Variants in EIPR1 observed in about 807,000 individuals in gnomAD.
The protein encoded by EIPR1 is EARP and GARP complex-interacting protein 1.
Under a neutral mutation model 48.1 loss-of-function variants are expected in EIPR1, and 25 were observed. The ratio of observed to expected loss-of-function variants is 0.52; its 90% CI spans 0.38 to 0.73. The LOEUF (loss-of-function observed/expected upper bound fraction) is 0.73. Ranked by LOEUF, EIPR1 falls within the 30% of genes least tolerant of loss-of-function variation. EIPR1 has a pLI of 0.00. For missense variants in EIPR1, 415 were observed against 506.2 expected (o/e 0.82, Z 1.73); for synonymous variants, 204 against 201.9 (o/e 1.01, Z -0.09).
intron 4 of EIPR1, among the ~76,000 whole-genome samples, chr2:3,236,093 G>A (rs545161898): frequency 3.3e-5 from 5 of 152,164 alleles, no homozygotes; most frequent in Admixed American, 1.3e-4. Flanking sequence ...CCACTCTCCC[G>A]CCACCTAGAA....
intron 3 of EIPR1, among the ~76,000 whole-genome samples, chr2:3,290,046 T>C (rs1397887223): frequency 1.3e-5 from 2 of 152,228 alleles, no homozygotes; most frequent in African/African-American, 4.8e-5. Context: ...GCCACTTGTT[T>C]CTCCTTTATC....
At chr2:3,302,001 G>C (rs1668775854) in intron 3 of EIPR1, among the ~76,000 whole-genome samples, 6 of 152,196 alleles carry the variant, frequency 3.9e-5, no homozygotes, top group Admixed American at 3.9e-4. Context: ...CGGAGAGACT[G>C]CCAGATGCGA....
At chr2:3,255,210 G>A (rs571314192) in intron 4 of EIPR1, among the ~76,000 whole-genome samples, 16 of 149,462 alleles carry the variant, frequency 1.1e-4, no homozygotes, top group Non-Finnish European at 1.2e-4. Flanking sequence ...TTTTTTAGAC[G>A]GAGTCTCTCT....
chr2:3,217,922 C>T (rs1665692658), intron 4 of EIPR1, among the ~76,000 whole-genome samples: 1 of 152,208 alleles, frequency 6.6e-6, no homozygotes, highest in Admixed American at 6.5e-5. Context: ...TTTCACTCCC[C>T]AACCCCTCAT....
At position 3,200,216 on chromosome 2, in the gene EIPR1, C is replaced by T. The variant is rs1664981286; in HGVS notation, c.517-3199G>A. 2.0e-5 allele frequency among the ~76,000 whole-genome samples: 3 copies of T among 152,142 alleles called. No individual in the cohort carries two copies. In the South Asian group the frequency reaches 6.2e-4, roughly 31 times the overall value. On this transcript the variant is annotated intron_variant, in intron 5 of 8. Coordinates refer to ENST00000382125, the MANE Select transcript of EIPR1 (RefSeq NM_003310.5). ...CCTCCCAGCCCCAAGCGGATGGCTG[C>T]CGATGGGCTCCTTCTTTTGTTTATG...
At chr2:3,306,959 AT>A (rs33999546) in intron 3 of EIPR1, among the ~76,000 whole-genome samples, 19,065 of 150,232 alleles carry the variant, frequency 0.13, 1,345 homozygotes, top group African/African-American at 0.2. Context: ...CAATCTTTTT[AT>A]TTTTTTTTTA....
chr2:3,290,236 T>C (rs1022145568), intron 3 of EIPR1, among the ~76,000 whole-genome samples: 1 of 152,192 alleles, frequency 6.6e-6, no homozygotes, highest in African/African-American at 2.4e-5. Context: ...AGGCCTAGAA[T>C]GCTGCCGGGA....
intron 3 of EIPR1, among the ~76,000 whole-genome samples, chr2:3,328,960 AG>A (rs1669792876): frequency 9.1e-6 from 1 of 110,352 alleles, no homozygotes; most frequent in Admixed American, 8.2e-5. Context: ...TCAGGGCACC[AG>A]CCAGGCTCCC....
intron 4 of EIPR1, among the ~76,000 whole-genome samples, chr2:3,240,135 T>C (rs62119035): frequency 0.45 from 11,136 of 24,716 alleles, 2,047 homozygotes; most frequent in East Asian, 0.52. Context: ...CAGCAGATCC[T>C]TCCTAAAGCA....
chr2:3,345,498 G>T (rs564442219), intron 2 of EIPR1, among the ~76,000 whole-genome samples: 2 of 151,964 alleles, frequency 1.3e-5, no homozygotes, highest in African/African-American at 4.8e-5. Flanking sequence ...GGTGGTGCAC[G>T]CCTGTGATCC....
chr2:3,297,745 G>C (rs577947630), intron 3 of EIPR1, among the ~76,000 whole-genome samples: 1 of 152,208 alleles, frequency 6.6e-6, no homozygotes, highest in Non-Finnish European at 1.5e-5. Flanking sequence ...CACAAAACCA[G>C]GTAGTGGGCC....
chr2:3,350,996 T>A (rs1670558372), intron 2 of EIPR1, among the ~76,000 whole-genome samples: 1 of 145,282 alleles, frequency 6.9e-6, no homozygotes, highest in South Asian at 2.2e-4. Context: ...TTTCTGTCAT[T>A]TTGGGCGATT....
chr2:3,269,224 A>G (rs4993594), intron 3 of EIPR1, among the ~76,000 whole-genome samples: 21 of 149,678 alleles, frequency 1.4e-4, no homozygotes, highest in South Asian at 6.4e-4. Context: ...ATCGCACTCA[A>G]TCATCGCACT....
Position 3,261,042 on chromosome 2 carries a change from A to C in EIPR1, c.260-3587T>G, listed in dbSNP as rs963251046. ...AGCTGTCACAAAGCTTGGCTTGTTG[A>C]TAATAAGCTTTGTCCAGCTTTCTGA... On this transcript the variant is annotated intron_variant, in intron 3 of 8. Transcript: ENST00000382125. Among the ~76,000 whole-genome samples, 3 of 152,218 alleles carry C rather than the reference A, an allele frequency of 2.0e-5. No homozygotes were observed. In the South Asian group the frequency reaches 6.2e-4, roughly 32 times the overall value.
chr2:3,290,180 G>A lies in EIPR1; in HGVS notation c.260-32725C>T, dbSNP rs143101106. On this transcript the variant is annotated intron_variant, in intron 3 of 8. Coordinates refer to ENST00000382125, the MANE Select transcript of EIPR1 (RefSeq NM_003310.5). The stretch of plus-strand genomic sequence containing the variant: ...ACAGGCCCAGCATACAGGGCAGTGC[G>A]TGGCACAAGACAGTGGCTCGTCTCG... 5.9e-3 allele frequency among the ~76,000 whole-genome samples: 892 copies of A among 152,354 alleles called. 6 individuals are homozygous for A. The highest frequency in any genetic ancestry group is 0.02 in the African/African-American group (835 of 41,584).
chr2:3,192,697 G>C, intron 7 of EIPR1, 116 bp from the exon 8 acceptor site: 1 of 1,035,630 alleles, frequency 9.7e-7, no homozygotes, highest in Non-Finnish European at 1.4e-6. Context: ...GCACTGCCAG[G>C]CAATCGGCCC....
intron 4 of EIPR1, among the ~76,000 whole-genome samples, chr2:3,220,898 A>G (rs1478454832): frequency 2.1e-5 from 3 of 142,644 alleles, no homozygotes; most frequent in Admixed American, 1.4e-4. Context: ...ACAGTCAGTT[A>G]AGGACACATG....
At chr2:3,324,053 A>G (rs1248861670) in intron 3 of EIPR1, among the ~76,000 whole-genome samples, 2 of 152,236 alleles carry the variant, frequency 1.3e-5, no homozygotes, top group East Asian at 1.9e-4. Context: ...AAGAAATCAC[A>G]TAACAAAAGC....
chr2:3,200,709 C>T (rs7585437), intron 5 of EIPR1, among the ~76,000 whole-genome samples: 72,454 of 151,680 alleles, frequency 0.48, 17,831 homozygotes, highest in Middle Eastern at 0.66. Flanking sequence ...CGTGTGAGCA[C>T]GGCAGGATTA....
Sources: gnomAD v4.1 joint callset for allele counts (sites outside exome capture counted in the v4.1 genomes callset) on GRCh38, gnomAD v4.1.1 for gene constraint, MANE v1.5 for transcripts, NCBI Gene and HGNC (gene_info 2026-07-23, HGNC 2026-07-21) for gene names.